EYS: variants seen among roughly 807,000 people sequenced by gnomAD.
EYS encodes EGF-like photoreceptor maintenance factor.
In EYS, 250 loss-of-function variants were observed where a neutral mutation model predicts 282.1. The observed-to-expected ratio is 0.89, with a 90% CI of 0.80 to 0.98. The LOEUF is 0.98. Ranked by LOEUF, EYS falls within the 50% of genes least tolerant of loss-of-function variation. The probability of loss-of-function intolerance (pLI) is 0.00; values close to 1 mark genes in which losing one functional copy is unlikely to be tolerated. For synonymous variants in EYS, 1,355 were observed against 1,282.9 expected (o/e 1.06, Z -1.20); for missense variants, 4,016 against 3,709.0 (o/e 1.08, Z -2.15).
chr6:65,676,151 C>A (rs182608396), intron 1 of EYS, among the ~76,000 whole-genome samples: 16 of 151,620 alleles, frequency 1.1e-4, no homozygotes, highest in Admixed American at 1.1e-3. Flanking sequence ...AAATAAACAA[C>A]CTAACTTTAT....
intron 12 of EYS, among the ~76,000 whole-genome samples, chr6:65,103,311 T>C (rs1311210817): frequency 6.6e-6 from 1 of 151,518 alleles, no homozygotes; most frequent in Non-Finnish European, 1.5e-5. Context: ...ATAAATTATC[T>C]GGTGAGAAGA....
intron 8 of EYS, among the ~76,000 whole-genome samples, chr6:65,381,575 G>A (rs983927081): frequency 2.6e-5 from 4 of 151,876 alleles, no homozygotes; most frequent in Non-Finnish European, 5.9e-5. Flanking sequence ...CATAGTACAT[G>A]TATACCAATG....
intron 41 of EYS, among the ~76,000 whole-genome samples, chr6:63,743,792 A>G (rs1373310277): frequency 6.6e-6 from 1 of 152,204 alleles, no homozygotes; most frequent in Admixed American, 6.5e-5. Context: ...CAAAGCAAGC[A>G]CAATCTAAAA....
chr6:64,957,083 C>T lies in EYS; in HGVS notation c.2260-11169G>A, dbSNP rs1769734716. ...AATCCCACTGCTGGGTATACACCCC[C>T]CAAATGAAAATCAGTATATCAAAGA... On this transcript the variant is annotated intron_variant, in intron 14 of 42. Coordinates refer to ENST00000503581, the MANE Select transcript of EYS (RefSeq NM_001142800.2). 3.9e-5 allele frequency among the ~76,000 whole-genome samples: 6 copies of T among 152,082 alleles called. 1 individual carries two copies. The highest frequency in any genetic ancestry group is 3.3e-4 in the Admixed American group (5 of 15,268).
intron 2 of EYS, among the ~76,000 whole-genome samples, chr6:65,613,607 C>G (rs1766078534): frequency 1.3e-5 from 2 of 151,766 alleles, no homozygotes; most frequent in South Asian, 4.1e-4. Context: ...AATATGTACA[C>G]AAGTAAATGG....
intron 22 of EYS, among the ~76,000 whole-genome samples, chr6:64,758,799 A>G (rs1165550736): frequency 1.3e-5 from 2 of 152,152 alleles, no homozygotes; most frequent in African/African-American, 2.4e-5. Context: ...AGAGTAATCA[A>G]TTTGGATGGG....
At chr6:65,509,084 A>G (rs1766769453) in intron 2 of EYS, among the ~76,000 whole-genome samples, 1 of 152,198 alleles carries the variant, frequency 6.6e-6, no homozygotes, top group Non-Finnish European at 1.5e-5. Flanking sequence ...TAAACTGGAG[A>G]TGAAAATAAA....
In EYS at chr6:64,688,741, C is replaced by T. The variant is rs891762607; in HGVS notation, c.3444-62496G>A. On this transcript the variant is annotated intron_variant, in intron 22 of 42. Transcript: ENST00000503581. ...GAGTTCTGGAGATGTCTATTAGGTCCGCTTGGTGCAGAGCTGAGTTCAATT... is the reference window on the plus strand; with the variant it reads ...GAGTTCTGGAGATGTCTATTAGGTCTGCTTGGTGCAGAGCTGAGTTCAATT... Among the ~76,000 whole-genome samples, 16 of 152,098 alleles carry T rather than the reference C, an allele frequency of 1.1e-4. No homozygotes were observed. The South Asian group carries it at 1.2e-3, about 12-fold the overall frequency.
chr6:63,854,847 AGCTTGTTTAATCTT>A (rs1772350407), intron 36 of EYS, among the ~76,000 whole-genome samples: 1 of 152,194 alleles, frequency 6.6e-6, no homozygotes, highest in Non-Finnish European at 1.5e-5. Flanking sequence ...GTGGTCTCCA[AGCTTGTTTAATCTT>A]GCTTCACAGA....
intron 31 of EYS, among the ~76,000 whole-genome samples, chr6:64,097,380 T>A (rs2150256515): frequency 6.6e-6 from 1 of 152,314 alleles, no homozygotes; most frequent in East Asian, 1.9e-4. Flanking sequence ...GCAGGCCTCC[T>A]TGAGCTGCGG....
intron 12 of EYS, among the ~76,000 whole-genome samples, chr6:65,103,102 C>T (rs1007071741): frequency 6.6e-6 from 1 of 151,364 alleles, no homozygotes; most frequent in African/African-American, 2.4e-5. Context: ...AATCTCTGGC[C>T]TCTCATCCTA....
intron 1 of EYS, among the ~76,000 whole-genome samples, chr6:65,668,559 A>G (rs1173101226): frequency 6.6e-6 from 1 of 151,928 alleles, no homozygotes; most frequent in Non-Finnish European, 1.5e-5. Flanking sequence ...AATATGTATT[A>G]TCTGCCCTTT....
In EYS at chr6:64,591,325, G is replaced by A; in HGVS notation, c.4542C>T (p.His1514=). 2 of 1,551,344 alleles carry A rather than the reference G, an allele frequency of 1.3e-6. No individual in the cohort carries two copies. Among genetic ancestry groups the A allele is most frequent in the Non-Finnish European group, 1.7e-6 (2 of 1,146,766 alleles). The part of the protein sequence containing the change: ...QVTILNSSAL[H]RFSTKAFNPS... ...GATTGAAGGCTTTTGTACTGAACCG[G>A]TGCAGAGCTGATGAGTTTAAGATGG... The change falls in exon 26 of 43, where the codon CAC becomes CAT. Residue 1514 remains histidine, a synonymous_variant. Transcript: ENST00000503581.
intron 22 of EYS, among the ~76,000 whole-genome samples, chr6:64,760,765 G>A (rs892676209): frequency 2.6e-5 from 4 of 152,182 alleles, no homozygotes; most frequent in African/African-American, 9.6e-5. Flanking sequence ...ATAAGGCCAA[G>A]AGAGAGGGCT....
At chr6:63,986,943 C>CA (rs67327695) in intron 34 of EYS, among the ~76,000 whole-genome samples, 53,291 of 150,556 alleles carry the variant, frequency 0.35, 9,479 homozygotes, top group African/African-American at 0.38. Context: ...AGTTAAAAAA[C>CA]AAAAAAAAGA....
intron 26 of EYS, among the ~76,000 whole-genome samples, chr6:64,478,345 A>G (rs1776336100): frequency 6.6e-6 from 1 of 151,928 alleles, no homozygotes; most frequent in Admixed American, 6.6e-5. Context: ...AAACTTGAAT[A>G]ATGTACATAA....
intron 22 of EYS, among the ~76,000 whole-genome samples, chr6:64,763,400 C>A (rs1773224433): frequency 6.6e-6 from 1 of 152,050 alleles, no homozygotes; most frequent in South Asian, 2.1e-4. Flanking sequence ...AGAGACAGAG[C>A]AAGGGGAGAT....
chr6:64,879,202 C>T lies in EYS; in HGVS notation c.2992+7495G>A, dbSNP rs539967427. On this transcript the variant is annotated intron_variant, in intron 19 of 42. Transcript: ENST00000503581. Reference sequence around the variant, plus strand: ...TCACCTCTATCTCCACCTATCATTTCCTATGAAGGGGAAAAGACCCACCAA... The same window carrying T: ...TCACCTCTATCTCCACCTATCATTTTCTATGAAGGGGAAAAGACCCACCAA... Among the ~76,000 whole-genome samples, 3 of 152,178 alleles carry T rather than the reference C, an allele frequency of 2.0e-5. No homozygotes were observed. The East Asian group carries it at 5.8e-4, about 29-fold the overall frequency.
intron 8 of EYS, among the ~76,000 whole-genome samples, chr6:65,376,089 T>C (rs1330512693): frequency 6.6e-6 from 1 of 151,752 alleles, no homozygotes; most frequent in Non-Finnish European, 1.5e-5. Flanking sequence ...TTCTCCAAGG[T>C]TGAAACAAAG....
Sources: gnomAD v4.1 joint callset for allele counts (sites outside exome capture counted in the v4.1 genomes callset) on GRCh38, gnomAD v4.1.1 for gene constraint, MANE v1.5 for transcripts, NCBI Gene and HGNC (gene_info 2026-07-23, HGNC 2026-07-21) for gene names.